RGS22: variants seen among roughly 807,000 people sequenced by gnomAD.
The protein encoded by RGS22 is regulator of G-protein signaling 22.
In RGS22, 148 loss-of-function variants were observed where a neutral mutation model predicts 172.9. The ratio of observed to expected loss-of-function variants is 0.86; its 90% CI spans 0.75 to 0.98. RGS22 has a LOEUF of 0.98. Among genes scored for constraint, RGS22 ranks in the 50% least tolerant of loss-of-function variants. The probability of loss-of-function intolerance (pLI) is 0.00; values close to 1 mark genes in which losing one functional copy is unlikely to be tolerated. For missense variants in RGS22, 1,347 were observed against 1,440.8 expected (o/e 0.93, Z 1.05); for synonymous variants, 458 against 480.2 (o/e 0.95, Z 0.60).
chr8:100,080,369 T>G lies in RGS22; in HGVS notation c.118-14A>C. 2 of 1,574,394 alleles carry G rather than the reference T, an allele frequency of 1.3e-6. No homozygotes were observed. Among genetic ancestry groups the G allele is most frequent in the Non-Finnish European group, 1.7e-6 (2 of 1,157,142 alleles). Reference sequence around the variant, plus strand: ...CTCTGAAAAGGTCTGCAATATAAATTTGTGGAAATTAAAACATTTTTTAAA... The same window carrying G: ...CTCTGAAAAGGTCTGCAATATAAATGTGTGGAAATTAAAACATTTTTTAAA... On this transcript the variant is annotated splice_polypyrimidine_tract_variant and intron_variant, in intron 3 of 27. Transcript: ENST00000360863.
intron 6 of RGS22, among the ~76,000 whole-genome samples, chr8:100,070,319 T>G (rs926616828): frequency 3.9e-5 from 6 of 152,140 alleles, no homozygotes; most frequent in Non-Finnish European, 8.8e-5. Flanking sequence ...GAGAAAATGT[T>G]AAATAGAAAA....
chr8:100,091,050 ACT>A (rs1170885690), intron 3 of RGS22, among the ~76,000 whole-genome samples: 2 of 152,114 alleles, frequency 1.3e-5, no homozygotes, highest in African/African-American at 4.8e-5. Flanking sequence ...TGGCATACTT[ACT>A]CTCAGTAAAC....
intron 16 of RGS22, among the ~76,000 whole-genome samples, chr8:100,004,984 T>C (rs1815528735): frequency 6.6e-6 from 1 of 151,960 alleles, no homozygotes; most frequent in South Asian, 2.1e-4. Context: ...CTAATTCATC[T>C]CCCTATTTGT....
intron 14 of RGS22, among the ~76,000 whole-genome samples, chr8:100,033,194 A>G (rs945075464): frequency 1.3e-5 from 2 of 152,158 alleles, no homozygotes; most frequent in Non-Finnish European, 2.9e-5. Flanking sequence ...AGACAGAGAC[A>G]CAAAAAACCC....
rs1810316459 is a variant in RGS22 at position 100,063,617 on chromosome 8, CTTGT to C, written c.1147_1150del (p.Thr383ValfsTer2). On this transcript the variant is annotated frameshift_variant, in exon 8 of 28. Coordinates refer to ENST00000360863, the MANE Select transcript of RGS22 (RefSeq NM_015668.5). LOFTEE classifies it high-confidence loss of function. ...AGCGCTCTCATTCTTTGAACTTAAA[CTTGT>C]TTGTTCTATCTCTTCTGACCTCTCC... 6.2e-7 allele frequency: 1 copy of C among 1,614,098 alleles called. No individual in the cohort carries two copies. Among genetic ancestry groups the C allele is most frequent in the East Asian group, 2.2e-5 (1 of 44,868 alleles).
At chr8:100,046,783 C>G (rs1032455933) in intron 11 of RGS22, among the ~76,000 whole-genome samples, 1 of 151,582 alleles carries the variant, frequency 6.6e-6, no homozygotes, top group Admixed American at 6.6e-5. Flanking sequence ...TTACGAGAGT[C>G]AAAGACACTG....
chr8:99,996,115 G>C (rs916498324), intron 20 of RGS22, among the ~76,000 whole-genome samples: 1 of 150,590 alleles, frequency 6.6e-6, no homozygotes, highest in African/African-American at 2.4e-5. Flanking sequence ...CTGTTGGGGG[G>C]TGGGGGGCTG....
At chr8:100,021,992 CTT>C (rs1285464371) in intron 14 of RGS22, among the ~76,000 whole-genome samples, 1 of 152,076 alleles carries the variant, frequency 6.6e-6, no homozygotes, top group Non-Finnish European at 1.5e-5. Context: ...GCAATCCAAT[CTT>C]TTTTTCTGCA....
chr8:100,072,939 A>G (rs1235872641), intron 4 of RGS22, among the ~76,000 whole-genome samples: 1 of 152,216 alleles, frequency 6.6e-6, no homozygotes, highest in Non-Finnish European at 1.5e-5. Context: ...GGAGAGGTAG[A>G]AAGGGTCATG....
At chr8:100,003,058 AAAGAAAAAAAAAGAATGAGT>A (rs1321145987) in intron 17 of RGS22, 1 of 164,332 alleles carries the variant, frequency 6.1e-6, no homozygotes, top group African/African-American at 2.4e-5. Flanking sequence ...TTGTCTCAAA[AAAGAAAAAAAAAGAATGAGT>A]AAGAACTACT....
intron 14 of RGS22, among the ~76,000 whole-genome samples, chr8:100,028,455 C>CAAAAAAAAAAAAAAAAAA: frequency 1.1e-5 from 1 of 91,820 alleles, no homozygotes; most frequent in Non-Finnish European, 2.5e-5. Flanking sequence ...ACCTAGGAGA[C>CAAAAAAAAAAAAAAAAAA]AAAAAAAAAA....
At chr8:100,067,565 G>A (rs181061435) in intron 6 of RGS22, among the ~76,000 whole-genome samples, 1 of 150,822 alleles carries the variant, frequency 6.6e-6, no homozygotes, top group East Asian at 1.9e-4. Flanking sequence ...ACACAGGAGA[G>A]AAAGAAGTCA....
At chr8:99,990,421 C>A (rs1168237060) in intron 20 of RGS22, among the ~76,000 whole-genome samples, 2 of 152,164 alleles carry the variant, frequency 1.3e-5, no homozygotes, top group Non-Finnish European at 2.9e-5. Flanking sequence ...TTTATTCACC[C>A]TTTAAGCCAT....
chr8:99,969,032 C>T (rs1029132112), intron 23 of RGS22, among the ~76,000 whole-genome samples: 3 of 152,104 alleles, frequency 2.0e-5, no homozygotes, highest in South Asian at 2.1e-4. Context: ...AGACTGACAG[C>T]GGATCTCTCG....
At position 100,072,221 on chromosome 8, in the gene RGS22, G is replaced by T; in HGVS notation, c.349C>A (p.Arg117Ser). The change falls in exon 5 of 28, where the codon CGT becomes AGT. Residue 117 changes from arginine to serine, a missense_variant. Physicochemically the swap from Arg to Ser is moderately radical, Grantham distance 110. Coordinates refer to ENST00000360863, the MANE Select transcript of RGS22 (RefSeq NM_015668.5). ...NVNYNIMCLS[R>S]EEGIKWIKKE... ...TTGATCCACTTAATACCTTCTTCAC[G>T]ACTGAGACACTATGAGAAGAAAGAG... 1.9e-6 allele frequency: 3 copies of T among 1,579,338 alleles called. No homozygotes were observed. Among genetic ancestry groups the T allele is most frequent in the South Asian group, 2.3e-5 (2 of 85,954 alleles).
chr8:100,029,863 A>G (rs2131527897), intron 14 of RGS22, among the ~76,000 whole-genome samples: 1 of 152,286 alleles, frequency 6.6e-6, no homozygotes, highest in South Asian at 2.1e-4. Context: ...ATCCCCAGGA[A>G]ATTTTGTAAA....
intron 23 of RGS22, among the ~76,000 whole-genome samples, chr8:99,976,018 T>A (rs1041774466): frequency 1.4e-4 from 21 of 152,014 alleles, no homozygotes; most frequent in Non-Finnish European, 1.5e-4. Context: ...GGTGAAACCC[T>A]GTCTCTACTA....
rs367712644 is a variant in RGS22 at position 99,987,570 on chromosome 8, C to T, written c.3068G>A (p.Arg1023His). ...AGTAACTGGATTCAATAATGCTTTG[C>T]GAAAAGCAATGATTTTACAAGATGA... ...ISSSCKIIAF[R>H]KALLNPVTSR... The change falls in exon 21 of 28, where the codon CGC becomes CAC. Residue 1023 changes from arginine to histidine, a missense_variant. By Grantham distance (29) the Arg-to-His change is conservative. Coordinates refer to ENST00000360863, the MANE Select transcript of RGS22 (RefSeq NM_015668.5). The T allele has an allele frequency of 3.9e-5, 62 of 1,609,572 alleles. No individual in the cohort carries two copies. Among genetic ancestry groups the T allele is most frequent in the South Asian group, 8.8e-5 (8 of 90,564 alleles).
Position 100,066,173 on chromosome 8 carries a change from C to T in RGS22, c.718G>A (p.Val240Ile). 2 of 1,611,858 alleles carry T rather than the reference C, an allele frequency of 1.2e-6. No individual in the cohort carries two copies. The highest frequency in any genetic ancestry group is 1.7e-6 in the Non-Finnish European group (2 of 1,178,966). ...CTTGTCCTTTTCTGCTTACCAGAAA[C>T]AGATGAAATAGCTGGTGATTTAAGT... ...NKLKSPAISS[V>I]SENFIFDDGV... Residue 240 changes from valine (V) to isoleucine (I), a missense_variant, in exon 7 of 28, where the codon GTT becomes ATT. Coordinates refer to ENST00000360863, the MANE Select transcript of RGS22 (RefSeq NM_015668.5).
Sources: allele counts gnomAD v4.1 joint callset (sites outside exome capture counted in the v4.1 genomes callset), GRCh38; gene constraint gnomAD v4.1.1; transcripts MANE v1.5; gene names NCBI Gene and HGNC (gene_info 2026-07-23, HGNC 2026-07-21).